Variants in PRR5 observed in about 807,000 individuals in gnomAD.
PRR5 encodes the protein proline-rich protein 5.
Under a neutral mutation model 30.6 loss-of-function variants are expected in PRR5, and 25 were observed. The ratio of observed to expected loss-of-function variants is 0.82; its 90% CI spans 0.60 to 1.14. The LOEUF is 1.14. PRR5 is among the 50% of genes most tolerant of loss of function. The pLI is 0.00. For missense variants in PRR5, 600 were observed against 547.1 expected (o/e 1.10, Z -0.96); for synonymous variants, 286 against 247.1 (o/e 1.16, Z -1.48).
At chr22:44,730,428 G>A (rs1921734995) in intron 4 of PRR5, 1 of 985,438 alleles carries the variant, frequency 1.0e-6, no homozygotes, top group Non-Finnish European at 1.2e-6. Flanking sequence ...GCTCCGCTCA[G>A]TCCAGGCAGA....
At chr22:44,723,077 C>T (rs1930186237) in intron 2 of PRR5, among the ~76,000 whole-genome samples, 1 of 151,910 alleles carries the variant, frequency 6.6e-6, no homozygotes, top group South Asian at 2.1e-4. Flanking sequence ...CCTCCGCCTC[C>T]CGAGTTCAAG....
intron 1 of PRR5, 104 bp downstream of exon 1, chr22:44,702,712 A>C (rs1926533895): frequency 1.6e-6 from 2 of 1,219,506 alleles, no homozygotes; most frequent in African/African-American, 3.1e-5. Context: ...AACGCTGCCG[A>C]AGGCGGCGCG....
chr22:44,702,515 G>T lies in PRR5; in HGVS notation c.41G>T (p.Ser14Ile). 6.8e-7 allele frequency: 1 copy of T among 1,471,430 alleles called. No homozygotes were observed. The highest frequency in any genetic ancestry group is 9.0e-7 in the Non-Finnish European group (1 of 1,109,658). The allele number at this position is 1,471,430 out of a possible 1,614,324, so 91.1% of individuals were successfully genotyped here. A position where few individuals can be genotyped will look rare whatever the true frequency, so the allele number is the denominator to read the frequency against. ...LRRLKFMSSP[S>I]LSDLGKREPA... ...AGGTTGAAGTTCATGAGTTCGCCCA[G>T]CCTCAGTGACCTGGGCAAGAGAGAG... Residue 14 changes from serine (S) to isoleucine (I), a missense_variant, in exon 1 of 8, where the codon AGC becomes ATC. Transcript: ENST00000336985.
In PRR5 at chr22:44,702,416, C is replaced by T; in HGVS notation, c.-59C>T. ...CGCCGGCCCGGGGCCCTTGGTGCGG[C>T]GTGGCGCAGGGCGCGGCGTGGGGCG... On this transcript the variant is annotated 5_prime_UTR_variant, in exon 1 of 8. Transcript: ENST00000336985. 2 of 1,247,232 alleles carry T rather than the reference C, an allele frequency of 1.6e-6. No homozygotes were observed. The highest frequency in any genetic ancestry group is 3.5e-5 in the South Asian group (1 of 28,814). The allele number at this position is 1,247,232 out of a possible 1,614,324, so 77.3% of individuals were successfully genotyped here.
At chr22:44,688,688 A>G (rs1181769909) in intron 1 of PRR5, among the ~76,000 whole-genome samples, 2 of 152,130 alleles carry the variant, frequency 1.3e-5, no homozygotes, top group South Asian at 2.1e-4. Flanking sequence ...TAAATGTGCT[A>G]TTACATCCTA....
At chr22:44,680,831 G>A (rs1405401157) in intron 1 of PRR5, among the ~76,000 whole-genome samples, 1 of 152,238 alleles carries the variant, frequency 6.6e-6, no homozygotes, top group East Asian at 1.9e-4. Context: ...AGTGGTGGCA[G>A]TGTGTGACAG....
At chr22:44,705,989 A>G (rs953735895) in intron 1 of PRR5, among the ~76,000 whole-genome samples, 1 of 151,806 alleles carries the variant, frequency 6.6e-6, no homozygotes, top group African/African-American at 2.4e-5. Flanking sequence ...TAGTAGAGAC[A>G]GGGTTTCACC....
chr22:44,677,892 G>C (rs7292291), intron 1 of PRR5, among the ~76,000 whole-genome samples: 6 of 152,186 alleles, frequency 3.9e-5, no homozygotes, highest in Non-Finnish European at 5.9e-5. Flanking sequence ...ACCAAAGCTT[G>C]TGGGCACGGA....
intron 2 of PRR5, among the ~76,000 whole-genome samples, chr22:44,715,061 C>A (rs114804934): frequency 1.1e-4 from 17 of 152,326 alleles, no homozygotes; most frequent in African/African-American, 4.1e-4. Context: ...TGCCTAACGA[C>A]GGGAGTGTTA....
intron 7 of PRR5, 137 bp downstream of exon 7, chr22:44,735,299 C>T: frequency 7.8e-7 from 1 of 1,286,898 alleles, no homozygotes; most frequent in Non-Finnish European, 1.0e-6. Context: ...GCAGCAGCCC[C>T]CAGCCTGCCA....
intron 1 of PRR5, among the ~76,000 whole-genome samples, chr22:44,690,677 C>T (rs996852772): frequency 2.0e-5 from 3 of 152,230 alleles, no homozygotes; most frequent in Admixed American, 1.3e-4. Context: ...TCTGGCTGCA[C>T]AGCCCATGCT....
At chr22:44,682,167 C>G (rs1451797982) in intron 1 of PRR5, among the ~76,000 whole-genome samples, 1 of 152,182 alleles carries the variant, frequency 6.6e-6, no homozygotes, top group African/African-American at 2.4e-5. Context: ...TCAAGGTTAG[C>G]CACACTCCCT....
At position 44,736,883 on chromosome 22, in the gene PRR5, C is replaced by T. The variant is rs775081608; in HGVS notation, c.803C>T (p.Ala268Val). 38 of 1,609,294 alleles carry T rather than the reference C, an allele frequency of 2.4e-5. No individual in the cohort carries two copies. The highest frequency in any genetic ancestry group is 4.4e-5 in the South Asian group (4 of 90,954). The change falls in exon 8 of 8, where the codon GCG (alanine) becomes GTG (valine). Residue 268 changes from alanine to valine, a missense_variant. Coordinates refer to ENST00000336985, the MANE Select transcript of PRR5 (RefSeq NM_181333.4). Reference sequence around the variant, plus strand: ...CTGAACCCCGTGCAGGAGCACGAGGCGGAGGGCGCGGCGGCCGGCGGTACC... The same window carrying T: ...CTGAACCCCGTGCAGGAGCACGAGGTGGAGGGCGCGGCGGCCGGCGGTACC... ...PLLNPVQEHEAEGAAAGGTSI... is the reference protein window; with the variant it reads ...PLLNPVQEHEVEGAAAGGTSI...
intron 1 of PRR5, 115 bp from the exon 2 acceptor site, chr22:44,714,476 G>T: frequency 6.9e-7 from 1 of 1,439,388 alleles, no homozygotes; most frequent in Non-Finnish European, 9.5e-7. Context: ...GCAGGGTCCT[G>T]CAGGGATGGC....
intron 1 of PRR5, among the ~76,000 whole-genome samples, chr22:44,703,813 G>A (rs1298622941): frequency 6.6e-6 from 1 of 152,158 alleles, no homozygotes; most frequent in African/African-American, 2.4e-5. Flanking sequence ...AGCCAGGGAA[G>A]TCGAGGCTGC....
At chr22:44,685,969 T>C (rs936450957) in intron 1 of PRR5, among the ~76,000 whole-genome samples, 5 of 152,202 alleles carry the variant, frequency 3.3e-5, no homozygotes, top group African/African-American at 9.6e-5. Flanking sequence ...AGTTCCCCTA[T>C]TGGGGCCCGG....
intron 1 of PRR5, among the ~76,000 whole-genome samples, chr22:44,694,380 A>G (rs1324671984): frequency 6.6e-6 from 1 of 152,206 alleles, no homozygotes; most frequent in Non-Finnish European, 1.5e-5. Flanking sequence ...TCTACTAAAA[A>G]TACAAAAATT....
intron 1 of PRR5, among the ~76,000 whole-genome samples, chr22:44,705,082 T>G (rs748904151): frequency 6.6e-6 from 1 of 152,184 alleles, no homozygotes; most frequent in Non-Finnish European, 1.5e-5. Context: ...TGTGACTGTA[T>G]TAGCTTCCCA....
intron 1 of PRR5, among the ~76,000 whole-genome samples, chr22:44,685,272 A>G (rs1601956575): frequency 6.6e-6 from 1 of 152,286 alleles, no homozygotes; most frequent in East Asian, 1.9e-4. Flanking sequence ...TGGTGACCCT[A>G]CATATCCCAC....
Sources: gnomAD v4.1 joint callset for allele counts (sites outside exome capture counted in the v4.1 genomes callset) on GRCh38, gnomAD v4.1.1 for gene constraint, MANE v1.5 for transcripts, NCBI Gene and HGNC (gene_info 2026-07-23, HGNC 2026-07-21) for gene names.